Variants in CTIF observed in about 807,000 individuals in gnomAD.
CTIF encodes cap binding complex dependent translation initiation factor.
In CTIF, 21 loss-of-function variants were observed where a neutral mutation model predicts 66.0. The ratio of observed to expected loss-of-function variants is 0.32; its 90% CI spans 0.23 to 0.46. CTIF has a LOEUF of 0.46. CTIF is among the 20% of genes least tolerant of loss of function. The pLI is 1.00. For synonymous variants in CTIF, 345 were observed against 326.4 expected, an observed-to-expected ratio of 1.06 and a Z score of -0.62; for missense variants, 739 against 812.7, an observed-to-expected ratio of 0.91 and a Z score of 1.10.
chr18:48,626,000 CTTTTTTT>C (rs74174709), intron 2 of CTIF, among the ~76,000 whole-genome samples: 2 of 109,140 alleles, frequency 1.8e-5, no homozygotes, highest in Middle Eastern at 0.011. Context: ...CTTTTTCTTT[CTTTTTTT>C]TTTTTTTTTT....
chr18:48,828,300 G>A (rs977125938), intron 10 of CTIF, among the ~76,000 whole-genome samples: 1 of 152,212 alleles, frequency 6.6e-6, no homozygotes, highest in African/African-American at 2.4e-5. Context: ...TGTTTTGGAA[G>A]GTGGTGTGGG....
chr18:48,596,477 CTTT>C (rs112975997), intron 1 of CTIF, among the ~76,000 whole-genome samples: 1 of 145,076 alleles, frequency 6.9e-6, no homozygotes, highest in Non-Finnish European at 1.5e-5. Flanking sequence ...TTCTTTCTTT[CTTT>C]TTTTTTTTTT....
At chr18:48,852,213 G>T (rs557300663) in intron 10 of CTIF, among the ~76,000 whole-genome samples, 3 of 135,866 alleles carry the variant, frequency 2.2e-5, no homozygotes, top group African/African-American at 8.2e-5. Context: ...TGCCCTGGGG[G>T]ACAGAGTGAG....
At chr18:48,732,587 A>G (rs1054524968) in intron 7 of CTIF, among the ~76,000 whole-genome samples, 49 of 152,146 alleles carry the variant, frequency 3.2e-4, no homozygotes, top group African/African-American at 1.1e-3. Flanking sequence ...CAAGAGCCCA[A>G]AGCATCTTCA....
intron 1 of CTIF, among the ~76,000 whole-genome samples, chr18:48,617,810 G>T (rs75572726): frequency 0.024 from 3,662 of 152,266 alleles, 129 homozygotes; most frequent in African/African-American, 0.072. Context: ...CCTCCAGTCC[G>T]CTGATTCCTC....
chr18:48,589,959 G>T (rs1568054292), intron 1 of CTIF, among the ~76,000 whole-genome samples: 1 of 152,230 alleles, frequency 6.6e-6, no homozygotes, highest in Non-Finnish European at 1.5e-5. Context: ...CCTCACTGCT[G>T]GGTTGAGCTG....
At chr18:48,687,157 G>T (rs995340859) in intron 6 of CTIF, among the ~76,000 whole-genome samples, 2 of 152,046 alleles carry the variant, frequency 1.3e-5, no homozygotes, top group Non-Finnish European at 2.9e-5. Context: ...GGGATAAAGC[G>T]ATCTGTCTTC....
At chr18:48,636,591 G>C in intron 2 of CTIF, 23 bp from the exon 3 acceptor site, 1 of 1,509,764 alleles carries the variant, frequency 6.6e-7, no homozygotes, top group Non-Finnish European at 8.9e-7. Flanking sequence ...TGCCGTCACT[G>C]ATCGCTCCTT....
intron 1 of CTIF, among the ~76,000 whole-genome samples, chr18:48,556,040 A>G (rs2089012695): frequency 6.6e-6 from 1 of 152,138 alleles, no homozygotes; most frequent in Admixed American, 6.5e-5. Context: ...TGGAAGCATG[A>G]GGGTTTGGAG....
At chr18:48,577,555 AT>A (rs1444649018) in intron 1 of CTIF, among the ~76,000 whole-genome samples, 1 of 150,784 alleles carries the variant, frequency 6.6e-6, no homozygotes, top group East Asian at 1.9e-4. Flanking sequence ...TTTGAAGTGG[AT>A]TTTTTTTGTC....
At chr18:48,664,821 G>A (rs1194326853) in intron 5 of CTIF, among the ~76,000 whole-genome samples, 1 of 152,098 alleles carries the variant, frequency 6.6e-6, no homozygotes, top group Non-Finnish European at 1.5e-5. Flanking sequence ...CGCCAGCGCA[G>A]CAGAATCACC....
At chr18:48,608,886 G>T (rs962564575) in intron 1 of CTIF, among the ~76,000 whole-genome samples, 2 of 152,232 alleles carry the variant, frequency 1.3e-5, no homozygotes, top group African/African-American at 4.8e-5. Flanking sequence ...AGAGAACGTT[G>T]CCTGAGAAGG....
chr18:48,764,592 G>A (rs771464481), intron 9 of CTIF, among the ~76,000 whole-genome samples: 25 of 152,144 alleles, frequency 1.6e-4, no homozygotes, highest in Non-Finnish European at 3.1e-4. Flanking sequence ...CTGAAGTCCA[G>A]GGCAAGAAGG....
At chr18:48,581,813 C>A (rs2089664359) in intron 1 of CTIF, among the ~76,000 whole-genome samples, 1 of 152,042 alleles carries the variant, frequency 6.6e-6, no homozygotes. Flanking sequence ...GGAGGGACAG[C>A]AGACGGGAAG....
intron 8 of CTIF, among the ~76,000 whole-genome samples, chr18:48,759,409 C>G (rs1908737218): frequency 6.6e-6 from 1 of 152,232 alleles, no homozygotes; most frequent in Non-Finnish European, 1.5e-5. Flanking sequence ...CACACTCAGG[C>G]AGGATAAGGC....
At chr18:48,600,155 C>A (rs1002620357) in intron 1 of CTIF, among the ~76,000 whole-genome samples, 5 of 152,142 alleles carry the variant, frequency 3.3e-5, no homozygotes, top group Admixed American at 2.0e-4. Context: ...CTGCCCCCAA[C>A]CCCCGAGGCA....
intron 7 of CTIF, among the ~76,000 whole-genome samples, chr18:48,745,262 A>G (rs1218094589): frequency 6.6e-6 from 1 of 152,148 alleles, no homozygotes; most frequent in Non-Finnish European, 1.5e-5. Flanking sequence ...TAGGCACTGT[A>G]GTGATGTGAC....
intron 1 of CTIF, among the ~76,000 whole-genome samples, chr18:48,592,060 G>A (rs1568055813): frequency 6.6e-6 from 1 of 152,174 alleles, no homozygotes. Context: ...TCAGTGCTGT[G>A]CTTTTTCTAC....
chr18:48,553,124 T>C (rs1416469217), intron 1 of CTIF, among the ~76,000 whole-genome samples: 2 of 152,240 alleles, frequency 1.3e-5, no homozygotes, highest in Non-Finnish European at 2.9e-5. Context: ...CATTCATTCC[T>C]TCCCTACAAA....
Sources: gnomAD v4.1 joint callset for allele counts (sites outside exome capture counted in the v4.1 genomes callset) on GRCh38, gnomAD v4.1.1 for gene constraint, MANE v1.5 for transcripts, NCBI Gene and HGNC (gene_info 2026-07-23, HGNC 2026-07-21) for gene names.